TRMT11: variants seen among roughly 807,000 people sequenced by gnomAD.
TRMT11 encodes tRNA methyltransferase 11.
TRMT11 carries 53 observed loss-of-function variants against 62.8 expected under a neutral mutation model. The ratio of observed to expected loss-of-function variants is 0.84; its 90% CI spans 0.68 to 1.06. The LOEUF (loss-of-function observed/expected upper bound fraction) is 1.06. Ranked by LOEUF, TRMT11 falls within the 50% of genes least tolerant of loss-of-function variation. The pLI, the probability that TRMT11 is intolerant of heterozygous loss-of-function variation, is 0.00. For missense variants in TRMT11, 556 were observed against 553.4 expected (o/e 1.00, Z -0.05); for synonymous variants, 188 against 190.3 (o/e 0.99, Z 0.10).
intron 21 of TRMT11, among the ~76,000 whole-genome samples, chr6:126,149,685 C>A (rs1382514576): frequency 6.6e-6 from 1 of 152,168 alleles, no homozygotes; most frequent in African/African-American, 2.4e-5. Context: ...CAACCCAGAG[C>A]AGTGCTACCC....
downstream of TRMT11, among the ~76,000 whole-genome samples, chr6:126,044,171 G>A (rs1001609936): frequency 1.3e-5 from 2 of 151,842 alleles, no homozygotes; most frequent in East Asian, 1.9e-4. Flanking sequence ...TTTCTTCTAG[G>A]GTTTTTATGG....
intron 21 of TRMT11, among the ~76,000 whole-genome samples, chr6:126,131,612 T>A (rs1432352254): frequency 6.6e-6 from 1 of 151,960 alleles, no homozygotes; most frequent in African/African-American, 2.4e-5. Context: ...CTGTCAGTCC[T>A]TAAGTATGTT....
intron 17 of TRMT11, among the ~76,000 whole-genome samples, chr6:126,101,552 C>G (rs1433821160): frequency 2.0e-5 from 3 of 152,208 alleles, no homozygotes; most frequent in Non-Finnish European, 4.4e-5. Flanking sequence ...GAATTCAAGC[C>G]TTTCCTCCAC....
intron 8 of TRMT11, 32 bp downstream of exon 8, chr6:126,008,504 A>G (rs772238878): frequency 6.4e-7 from 1 of 1,567,008 alleles, no homozygotes; most frequent in South Asian, 1.1e-5. Flanking sequence ...TATTATAGTC[A>G]TTGCTGTGGT....
At chr6:126,235,618 G>A in the TRMT11 span, among the ~76,000 whole-genome samples, 19 of 152,090 alleles carry the variant, frequency 1.2e-4, no homozygotes, top group Middle Eastern at 3.2e-3. Flanking sequence ...CAAATACCAT[G>A]GTGTACTCCT....
chr6:126,223,653 G>A, the TRMT11 span, among the ~76,000 whole-genome samples: 1 of 152,220 alleles, frequency 6.6e-6, no homozygotes, highest in African/African-American at 2.4e-5. Context: ...AGCTTGTCTT[G>A]TATAGTATCT....
intron 11 of TRMT11, among the ~76,000 whole-genome samples, chr6:126,016,952 G>A (rs1427865545): frequency 2.0e-5 from 3 of 151,988 alleles, no homozygotes; most frequent in Admixed American, 2.0e-4. Flanking sequence ...AACATGAACT[G>A]TTTTCATATT....
intron 21 of TRMT11, among the ~76,000 whole-genome samples, chr6:126,141,377 TTG>T (rs753004526): frequency 6.6e-6 from 1 of 152,168 alleles, no homozygotes; most frequent in Non-Finnish European, 1.5e-5. Context: ...TCAAAAGTAT[TTG>T]TGTTTTCACA....
At chr6:126,064,710 C>T (rs894742178) in intron 17 of TRMT11, among the ~76,000 whole-genome samples, 11 of 151,988 alleles carry the variant, frequency 7.2e-5, no homozygotes, top group Admixed American at 7.2e-4. Context: ...CAAAAAAAAT[C>T]ATGTAAGTTA....
intron 21 of TRMT11, among the ~76,000 whole-genome samples, chr6:126,139,716 G>T (rs1030038506): frequency 6.6e-6 from 1 of 151,802 alleles, no homozygotes; most frequent in African/African-American, 2.4e-5. Flanking sequence ...AGTTTTTTTT[G>T]ATGTGTGTGT....
rs376363593 is a variant in TRMT11, at chr6:126,074,296, ACTT to A, written c.*1437+21110_*1437+21112del. ...TCTCTGTGTTTAATGCTCTCAAAGCACTTCTTATTACCCATAACCGCTGGATAG... is the reference window on the plus strand; with the variant it reads ...TCTCTGTGTTTAATGCTCTCAAAGCACTTATTACCCATAACCGCTGGATAG... On this transcript the variant is annotated intron_variant and NMD_transcript_variant, in intron 17 of 22. Coordinates refer to the TRMT11 transcript ENST00000648977. Among the ~76,000 whole-genome samples the A allele has an allele frequency of 3.7e-4, 56 of 152,310 alleles. No homozygotes were observed. In the East Asian group the frequency reaches 0.011, roughly 29 times the overall value.
downstream of TRMT11, among the ~76,000 whole-genome samples, chr6:126,043,070 T>C (rs1775926943): frequency 1.3e-5 from 2 of 152,014 alleles, no homozygotes. Flanking sequence ...ATTATTATTA[T>C]ACTTTAAGTT....
Position 126,012,785 on chromosome 6 carries a change from A to G in TRMT11, c.940A>G (p.Arg314Gly). ...TTTCTGTCTAGCTCCATATGGTATC[A>G]GAGAATCTACAAGAAGAACAGGTTC... ...AIITDPPYGI[R>G]ESTRRTGSQK... The change falls in exon 10 of 13, where the codon AGA becomes GGA. Residue 314 changes from arginine to glycine, a missense_variant. By Grantham distance (125) the Arg-to-Gly change is moderately radical. Coordinates refer to ENST00000334379, the MANE Select transcript of TRMT11 (RefSeq NM_001031712.3). The G allele has an allele frequency of 1.9e-6, 3 of 1,613,618 alleles. No individual in the cohort carries two copies. Among genetic ancestry groups the G allele is most frequent in the South Asian group, 1.1e-5 (1 of 91,066 alleles).
At chr6:126,083,770 C>CTA (rs1777185669) in intron 17 of TRMT11, among the ~76,000 whole-genome samples, 1 of 152,128 alleles carries the variant, frequency 6.6e-6, no homozygotes, top group Non-Finnish European at 1.5e-5. Flanking sequence ...TTACATCTCC[C>CTA]TATTTCCTTC....
chr6:126,220,456 T>C, the TRMT11 span, among the ~76,000 whole-genome samples: 1 of 152,154 alleles, frequency 6.6e-6, no homozygotes, highest in Non-Finnish European at 1.5e-5. Context: ...ATTTCCATTC[T>C]AGGAAAAAAT....
upstream of TRMT11, among the ~76,000 whole-genome samples, chr6:126,172,386 C>T (rs76264345): frequency 6.6e-6 from 1 of 152,146 alleles, no homozygotes; most frequent in African/African-American, 2.4e-5. Flanking sequence ...ATCTGTCTTT[C>T]CCATCATGTG....
intron 21 of TRMT11, among the ~76,000 whole-genome samples, chr6:126,140,999 G>A (rs992004816): frequency 6.6e-6 from 1 of 152,066 alleles, no homozygotes; most frequent in Non-Finnish European, 1.5e-5. Flanking sequence ...CATGAGGGTA[G>A]TTATATTAAA....
At chr6:126,156,041 A>C (rs886282509) in intron 21 of TRMT11, among the ~76,000 whole-genome samples, 1 of 152,066 alleles carries the variant, frequency 6.6e-6, no homozygotes, top group African/African-American at 2.4e-5. Context: ...GAAGTTATTA[A>C]ATCTTAAAGC....
chr6:126,177,950 G>A (rs556566154), intron 1 of TRMT11, among the ~76,000 whole-genome samples: 1 of 151,908 alleles, frequency 6.6e-6, no homozygotes, highest in Non-Finnish European at 1.5e-5. Context: ...ACAACTGGTT[G>A]TTCCCTGTGC....
Sources: allele counts gnomAD v4.1 joint callset (sites outside exome capture counted in the v4.1 genomes callset), GRCh38; gene constraint gnomAD v4.1.1; transcripts MANE v1.5; gene names NCBI Gene and HGNC (gene_info 2026-07-23, HGNC 2026-07-21).